Variants in MIDEAS observed in about 807,000 individuals in gnomAD.
MIDEAS encodes mitotic deacetylase-associated SANT domain protein.
In MIDEAS, 26 loss-of-function variants were observed where a neutral mutation model predicts 102.7. The ratio of observed to expected loss-of-function variants is 0.25; its 90% CI spans 0.19 to 0.35. MIDEAS has a LOEUF of 0.35. Among genes scored for constraint, MIDEAS ranks in the 10% least tolerant of loss-of-function variants. The pLI, the probability that MIDEAS is intolerant of heterozygous loss-of-function variation, is 1.00. For missense variants in MIDEAS, 1,231 were observed against 1,435.6 expected (o/e 0.86, Z 2.30); for synonymous variants, 585 against 591.0 (o/e 0.99, Z 0.15).
chr14:73,748,860 G>A (rs772506236), intron 1 of MIDEAS, among the ~76,000 whole-genome samples: 18 of 152,014 alleles, frequency 1.2e-4, no homozygotes, highest in Middle Eastern at 3.4e-3. Context: ...CAAAGTGTCC[G>A]TCCCTCAGGA....
At chr14:73,786,128 C>T (rs1218480230) in intron 1 of MIDEAS, among the ~76,000 whole-genome samples, 1 of 152,240 alleles carries the variant, frequency 6.6e-6, no homozygotes, top group Non-Finnish European at 1.5e-5. Context: ...CTCCACGGCT[C>T]GGACGCACTT....
chr14:73,776,682 G>C (rs1159985649), intron 1 of MIDEAS, among the ~76,000 whole-genome samples: 1 of 151,956 alleles, frequency 6.6e-6, no homozygotes, highest in African/African-American at 2.4e-5. Context: ...CCTGGCATAT[G>C]CAGCCCTCCC....
intron 12 of MIDEAS, 91 bp from the exon 13 acceptor site, chr14:73,719,099 C>T (rs1486126679): frequency 1.4e-6 from 2 of 1,454,216 alleles, no homozygotes; most frequent in Non-Finnish European, 1.8e-6. Flanking sequence ...TTCACCTTCA[C>T]CCCCACGCTG....
chr14:73,736,433 C>T (rs988614906), intron 3 of MIDEAS, among the ~76,000 whole-genome samples: 1 of 151,882 alleles, frequency 6.6e-6, no homozygotes, highest in Non-Finnish European at 1.5e-5. Context: ...AGATCGAGAC[C>T]ATCCTGGCTA....
chr14:73,773,958 G>T (rs1383397865), intron 1 of MIDEAS, among the ~76,000 whole-genome samples: 1 of 151,060 alleles, frequency 6.6e-6, no homozygotes, highest in South Asian at 2.1e-4. Context: ...GGAGGCAGAG[G>T]CTGCAGTGAG....
At chr14:73,740,308 G>A (rs1026600011) in intron 1 of MIDEAS, 53 bp from the exon 2 acceptor site, 6 of 401,014 alleles carry the variant, frequency 1.5e-5, no homozygotes, top group Non-Finnish European at 2.2e-5. Flanking sequence ...AGGATGCCCC[G>A]AACATCAGCA....
chr14:73,741,919 C>T (rs997086021), intron 1 of MIDEAS, among the ~76,000 whole-genome samples: 3 of 152,156 alleles, frequency 2.0e-5, no homozygotes, highest in East Asian at 3.8e-4. Flanking sequence ...TCACCCTCAC[C>T]CCCAGCAAGA....
Position 73,774,511 on chromosome 14 carries a change from C to T in MIDEAS, c.-248+12591G>A, listed in dbSNP as rs60806595. 1.9e-3 allele frequency among the ~76,000 whole-genome samples: 282 copies of T among 151,978 alleles called. 1 individual carries two copies. Among genetic ancestry groups the T allele is most frequent in the African/African-American group, 6.5e-3 (270 of 41,514 alleles). ...TGCTGAGCATGAGAAACGAAAGGAT[C>T]CTCTAATGGCAGCTGGTATTAATAT... On this transcript the variant is annotated intron_variant, in intron 1 of 11. Coordinates refer to the MIDEAS transcript ENST00000394071.
chr14:73,726,012 GC>G lies in MIDEAS; in HGVS notation c.2485+20del. Reference sequence around the variant, plus strand: ...GACCTCTTGAGGCTCCAGGCACCATGCCCACCGCAGCCAGGCCCACCTGTGT... The same window carrying G: ...GACCTCTTGAGGCTCCAGGCACCATGCCACCGCAGCCAGGCCCACCTGTGT... On this transcript the variant is annotated intron_variant, in intron 8 of 12. Coordinates refer to ENST00000423556, the MANE Select transcript of MIDEAS (RefSeq NM_001367710.1). The G allele has an allele frequency of 6.4e-7, 1 of 1,572,080 alleles. No homozygotes were observed. The highest frequency in any genetic ancestry group is 1.9e-5 in the Admixed American group (1 of 52,660).
chr14:73,743,168 C>T (rs1017099645), intron 1 of MIDEAS, among the ~76,000 whole-genome samples: 1 of 152,088 alleles, frequency 6.6e-6, no homozygotes, highest in South Asian at 2.1e-4. Flanking sequence ...CTTCATACAC[C>T]TCCCTTCCAC....
intron 1 of MIDEAS, among the ~76,000 whole-genome samples, chr14:73,769,219 G>A (rs2053619702): frequency 6.6e-6 from 1 of 152,216 alleles, no homozygotes; most frequent in Admixed American, 6.5e-5. Flanking sequence ...GGGCAGGTGT[G>A]GAGATGAGTG....
chr14:73,777,382 T>C (rs1331200392), intron 1 of MIDEAS, among the ~76,000 whole-genome samples: 1 of 152,016 alleles, frequency 6.6e-6, no homozygotes. Flanking sequence ...AGCCTTCCAA[T>C]ACATTTCTTT....
At position 73,739,433 on chromosome 14, in the gene MIDEAS, C is replaced by A. The variant is rs2053253047; in HGVS notation, c.576G>T (p.Gly192=). ...AAGAATTCAGGGGTGCCTGGGGCCG[C>A]CCTACCTCCAGCTGCACCTTCTGTG... ...MMPQKVQLEV[G]RPQAPLNSFH... Residue 192 remains glycine, a synonymous_variant, in exon 2 of 13, where the codon GGG becomes GGT. Coordinates refer to ENST00000423556, the MANE Select transcript of MIDEAS (RefSeq NM_001367710.1). The A allele has an allele frequency of 6.3e-7, 1 of 1,587,760 alleles. No individual in the cohort carries two copies. The highest frequency in any genetic ancestry group is 2.2e-5 in the East Asian group (1 of 44,698).
chr14:73,733,837 G>A (rs1230315183), intron 3 of MIDEAS, among the ~76,000 whole-genome samples: 1 of 151,968 alleles, frequency 6.6e-6, no homozygotes, highest in Non-Finnish European at 1.5e-5. Flanking sequence ...TGGGATTACA[G>A]GCACACACCA....
Position 73,725,433 on chromosome 14 carries a change from A to C in MIDEAS, c.2486-73T>G. 7.7e-7 allele frequency: 1 copy of C among 1,298,828 alleles called. No homozygotes were observed. The highest frequency in any genetic ancestry group is 1.1e-6 in the Non-Finnish European group (1 of 896,488). The allele number at this position is 1,298,828 out of a possible 1,614,324, so 80.5% of individuals were successfully genotyped here. ...CCACTGCAGGGCAATTTTGACAAGC[A>C]AAAAAGTGTGAGGCCATCCGCCCAT... On this transcript the variant is annotated intron_variant, in intron 8 of 12. Transcript: ENST00000423556. This position sits in a 1 kb window ranked among gnomAD's most constrained non-coding sequence, Gnocchi z 4.1.
chr14:73,758,295 G>A (rs1254347758), intron 1 of MIDEAS, among the ~76,000 whole-genome samples: 1 of 152,238 alleles, frequency 6.6e-6, no homozygotes, highest in African/African-American at 2.4e-5. Context: ...CAAGGAAAGG[G>A]TGCATTTCTC....
At chr14:73,776,828 T>C (rs1188486443) in intron 1 of MIDEAS, among the ~76,000 whole-genome samples, 1 of 151,874 alleles carries the variant, frequency 6.6e-6, no homozygotes, top group Non-Finnish European at 1.5e-5. Context: ...ACCCCTGCAC[T>C]TTGGGAGGCC....
At position 73,726,687 on chromosome 14, in the gene MIDEAS, C is replaced by T. The variant is rs577063865; in HGVS notation, c.2326G>A (p.Ala776Thr). The T allele has an allele frequency of 2.8e-5, 45 of 1,614,206 alleles. No individual in the cohort carries two copies. The East Asian group carries it at 8.2e-4, about 30-fold the overall frequency. The change falls in exon 7 of 13, where the codon GCC becomes ACC. Residue 776 changes from alanine (A) to threonine (T), a missense_variant. Coordinates refer to ENST00000423556, the MANE Select transcript of MIDEAS (RefSeq NM_001367710.1). Reference sequence around the variant, plus strand: ...GCACCAGGGAAAATGCTGGAGCAGGCGGCTGTCAGCAGGTCTTCCACTGGA... The same window carrying T: ...GCACCAGGGAAAATGCTGGAGCAGGTGGCTGTCAGCAGGTCTTCCACTGGA... ...QRQVEDLLTA[A>T]CSSIFPGAGT... is the part of the protein sequence containing the mutation.
At position 73,771,198 on chromosome 14, in the gene MIDEAS, T is replaced by C. The variant is rs148125197; in HGVS notation, c.-248+15904A>G. ...TGGCACACCTCCAGCCACAAGGTCC[T>C]ACTTCAATCTGATCACAGAAGAACA... On this transcript the variant is annotated intron_variant, in intron 1 of 11. Transcript: ENST00000394071. Among the ~76,000 whole-genome samples, 107 of 152,330 alleles carry C rather than the reference T, an allele frequency of 7.0e-4. 1 individual carries two copies. Among genetic ancestry groups the C allele is most frequent in the African/African-American group, 2.4e-3 (99 of 41,574 alleles).
Sources: gnomAD v4.1 joint callset for allele counts (sites outside exome capture counted in the v4.1 genomes callset) on GRCh38, gnomAD v4.1.1 for gene constraint, Gnocchi (gnomAD v3.1) non-coding constraint, MANE v1.5 for transcripts, NCBI Gene and HGNC (gene_info 2026-07-23, HGNC 2026-07-21) for gene names.